KCNB2: variants seen among roughly 807,000 people sequenced by gnomAD.
The protein encoded by KCNB2 is potassium voltage-gated channel subfamily B member 2.
A neutral mutation model predicts 61.5 loss-of-function variants in KCNB2; 15 were observed. The ratio of observed to expected loss-of-function variants is 0.24; its 90% CI spans 0.16 to 0.38. The LOEUF is 0.38. Among genes scored for constraint, KCNB2 ranks in the 10% least tolerant of loss-of-function variants. The pLI is 1.00. For missense variants in KCNB2, 828 were observed against 1,125.2 expected (o/e 0.74, Z 3.78); for synonymous variants, 457 against 446.0 (o/e 1.02, Z -0.31).
intron 2 of KCNB2, among the ~76,000 whole-genome samples, chr8:72,576,758 A>C (rs1806800516): frequency 6.6e-6 from 1 of 152,194 alleles, no homozygotes; most frequent in South Asian, 2.1e-4. Context: ...GTTGATGATC[A>C]CTTTAGAGTT....
Position 72,821,659 on chromosome 8 carries a change from A to AACAC in KCNB2, c.580-114267_580-114264dup, listed in dbSNP as rs1554535734. 1.9e-3 allele frequency among the ~76,000 whole-genome samples: 225 copies of AACAC among 117,004 alleles called. 4 individuals are homozygous for AACAC. Among genetic ancestry groups the AACAC allele is most frequent in the Non-Finnish European group, 2.8e-3 (166 of 58,698 alleles). The allele number at this position is 117,004 out of a possible 152,430, so 76.8% of individuals were successfully genotyped here. ...AAAAAAACAAAAAAAAAAAAAAAAA[A>AACAC]ACACACACACACCAAGCCCCCACAG... On this transcript the variant is annotated intron_variant, in intron 2 of 2. Coordinates refer to ENST00000523207, the MANE Select transcript of KCNB2 (RefSeq NM_004770.3).
chr8:72,780,649 T>C (rs1177189472), intron 2 of KCNB2, among the ~76,000 whole-genome samples: 2 of 152,206 alleles, frequency 1.3e-5, no homozygotes, highest in Non-Finnish European at 2.9e-5. Context: ...TGATTCTATG[T>C]CTTTGCTATT....
At chr8:72,549,116 G>C (rs1806306092) in intron 1 of KCNB2, among the ~76,000 whole-genome samples, 1 of 152,142 alleles carries the variant, frequency 6.6e-6, no homozygotes, top group African/African-American at 2.4e-5. Context: ...ATAACATTCT[G>C]GCTCTTTGCA....
intron 2 of KCNB2, among the ~76,000 whole-genome samples, chr8:72,755,005 T>C (rs1051415452): frequency 2.0e-5 from 3 of 152,030 alleles, no homozygotes; most frequent in Non-Finnish European, 4.4e-5. Flanking sequence ...ACATCAACAG[T>C]TGGTAGAAGA....
chr8:72,746,131 GCAT>G (rs1808060607), intron 2 of KCNB2, among the ~76,000 whole-genome samples: 1 of 152,132 alleles, frequency 6.6e-6, no homozygotes, highest in Admixed American at 6.5e-5. Context: ...GGGATTTAAG[GCAT>G]CATTATAAAG....
chr8:72,870,380 AT>A (rs1805597237), intron 2 of KCNB2, among the ~76,000 whole-genome samples: 1 of 152,218 alleles, frequency 6.6e-6, no homozygotes, highest in Admixed American at 6.5e-5. Context: ...ACATATTAAA[AT>A]TGTATAATTG....
chr8:72,641,731 T>A (rs1219587416), intron 2 of KCNB2, among the ~76,000 whole-genome samples: 1 of 152,126 alleles, frequency 6.6e-6, no homozygotes, highest in African/African-American at 2.4e-5. Flanking sequence ...GCAGGCTACT[T>A]AACTAAGACT....
At chr8:72,823,104 C>T (rs1289107625) in intron 2 of KCNB2, among the ~76,000 whole-genome samples, 1 of 152,282 alleles carries the variant, frequency 6.6e-6, no homozygotes, top group East Asian at 1.9e-4. Flanking sequence ...ATGTTCTGAG[C>T]AGGTCATTTT....
intron 2 of KCNB2, among the ~76,000 whole-genome samples, chr8:72,756,318 G>A (rs1344751004): frequency 5.3e-5 from 8 of 152,090 alleles, no homozygotes; most frequent in Admixed American, 5.2e-4. Flanking sequence ...CACTGCCCCA[G>A]TCCTCAGTTA....
At chr8:72,700,114 A>G (rs1807090360) in intron 2 of KCNB2, among the ~76,000 whole-genome samples, 1 of 152,068 alleles carries the variant, frequency 6.6e-6, no homozygotes, top group South Asian at 2.1e-4. Flanking sequence ...CAAACACCAC[A>G]TGTTCTCACT....
chr8:72,551,652 C>T (rs992529418), intron 1 of KCNB2, among the ~76,000 whole-genome samples: 16 of 152,122 alleles, frequency 1.1e-4, no homozygotes, highest in Middle Eastern at 3.2e-3. Flanking sequence ...AGAGCAGGGG[C>T]GGTGACTCAT....
At chr8:72,685,011 A>G (rs552948569) in intron 2 of KCNB2, among the ~76,000 whole-genome samples, 3 of 152,206 alleles carry the variant, frequency 2.0e-5, no homozygotes, top group African/African-American at 7.2e-5. Flanking sequence ...AGTAGAAAAA[A>G]TTATAATTTC....
At chr8:72,583,967 AAAC>A (rs1563530252) in intron 2 of KCNB2, among the ~76,000 whole-genome samples, 67 of 146,272 alleles carry the variant, frequency 4.6e-4, no homozygotes, top group African/African-American at 1.5e-3. Context: ...AAAAAAAAAC[AAAC>A]AAAACCCAAA....
At chr8:72,583,564 T>C (rs1806944285) in intron 2 of KCNB2, among the ~76,000 whole-genome samples, 1 of 152,208 alleles carries the variant, frequency 6.6e-6, no homozygotes, top group African/African-American at 2.4e-5. Flanking sequence ...TAGGGCTGTG[T>C]AGCCTCTTAG....
intron 2 of KCNB2, among the ~76,000 whole-genome samples, chr8:72,572,417 C>T (rs751707223): frequency 2.0e-5 from 3 of 152,142 alleles, no homozygotes; most frequent in Non-Finnish European, 2.9e-5. Context: ...GAGCACCCAG[C>T]AGCTTTTTCA....
intron 2 of KCNB2, among the ~76,000 whole-genome samples, chr8:72,915,181 C>A (rs1243191989): frequency 6.6e-6 from 1 of 152,126 alleles, no homozygotes; most frequent in Non-Finnish European, 1.5e-5. Context: ...ATCGGCCTCC[C>A]AAAGTGCTGG....
chr8:72,679,586 C>T (rs1306266651), intron 2 of KCNB2, among the ~76,000 whole-genome samples: 3 of 152,174 alleles, frequency 2.0e-5, no homozygotes, highest in East Asian at 3.8e-4. Context: ...TGGAATTTTC[C>T]ATTCTACTCC....
At chr8:72,583,891 AG>A (rs1377369677) in intron 2 of KCNB2, among the ~76,000 whole-genome samples, 3 of 150,884 alleles carry the variant, frequency 2.0e-5, no homozygotes, top group Non-Finnish European at 3.0e-5. Context: ...TTTAATTATG[AG>A]GAAAAAAATG....
chr8:72,641,093 C>A (rs10504540), intron 2 of KCNB2, among the ~76,000 whole-genome samples: 1 of 151,918 alleles, frequency 6.6e-6, no homozygotes, highest in Non-Finnish European at 1.5e-5. Context: ...CCGTTGCCAC[C>A]TTGTATAATT....
Sources: gnomAD v4.1 joint callset for allele counts (sites outside exome capture counted in the v4.1 genomes callset) on GRCh38, gnomAD v4.1.1 for gene constraint, MANE v1.5 for transcripts, NCBI Gene and HGNC (gene_info 2026-07-23, HGNC 2026-07-21) for gene names.